Variants in CHST15 observed in about 807,000 individuals in gnomAD.
CHST15 encodes the protein B cell RAG associated protein (GALNAC4S-6ST).
A neutral mutation model predicts 53.6 loss-of-function variants in CHST15; 30 were observed. The observed-to-expected ratio is 0.56, with a 90% CI of 0.42 to 0.76. The LOEUF (loss-of-function observed/expected upper bound fraction) is 0.76, where lower values mean the gene tolerates loss of function less well. Ranked by LOEUF, CHST15 falls within the 30% of genes least tolerant of loss-of-function variation. CHST15 has a pLI of 0.00. For missense variants in CHST15, 627 were observed against 740.5 expected, an observed-to-expected ratio of 0.85 and a Z score of 1.78; for synonymous variants, 296 against 289.8, an observed-to-expected ratio of 1.02 and a Z score of -0.22.
chr10:124,037,047 G>C (rs1464814174), intron 5 of CHST15, among the ~76,000 whole-genome samples: 2 of 152,148 alleles, frequency 1.3e-5, no homozygotes, highest in African/African-American at 4.8e-5. Context: ...CTGGCTTCTG[G>C]TGGCTGCCGG....
intron 6 of CHST15, 196 bp downstream of exon 6, chr10:124,021,060 C>T (rs1946760165): frequency 6.9e-7 from 1 of 1,448,752 alleles, no homozygotes; most frequent in South Asian, 1.4e-5. Context: ...GGGAGGAAGG[C>T]AGGAGCCAGA....
At position 124,044,045 on chromosome 10, in the gene CHST15, AG is replaced by A. The variant is rs1947849611; in HGVS notation, c.886+534del. ...CAGAGCAGGGAGCAGCACAGAGCCA[AG>A]GAACAGCACAGAGCAGGGGAACAAC... On this transcript the variant is annotated intron_variant, in intron 3 of 7. Coordinates refer to ENST00000435907, the MANE Select transcript of CHST15 (RefSeq NM_001270764.2). Among the ~76,000 whole-genome samples, 6 of 144,418 alleles carry A rather than the reference AG, an allele frequency of 4.2e-5. No homozygotes were observed. In the South Asian group the frequency reaches 1.3e-3, roughly 32 times the overall value. The allele number at this position is 144,418 out of a possible 152,430, so 94.7% of individuals were successfully genotyped here.
rs538433761 is a variant in CHST15, at chr10:124,008,186, G to T, written c.*1963C>A. The T allele has an allele frequency of 6.5e-6, 8 of 1,229,386 alleles. No individual in the cohort carries two copies. Among genetic ancestry groups the T allele is most frequent in the Non-Finnish European group, 8.1e-6 (8 of 986,758 alleles). The allele number at this position is 1,229,386 out of a possible 1,614,324, so 76.2% of individuals were successfully genotyped here. Reference sequence around the variant, plus strand: ...GAGTGCATAAGAAAAATCCCTTGTTGTAATTATGGTTGGTGTGGAATAGTA... The same window carrying T: ...GAGTGCATAAGAAAAATCCCTTGTTTTAATTATGGTTGGTGTGGAATAGTA... On this transcript the variant is annotated 3_prime_UTR_variant, in exon 8 of 8. Coordinates refer to ENST00000435907, the MANE Select transcript of CHST15 (RefSeq NM_001270764.2).
intron 1 of CHST15, among the ~76,000 whole-genome samples, chr10:124,077,967 C>T (rs551259280): frequency 2.0e-5 from 3 of 152,360 alleles, no homozygotes; most frequent in African/African-American, 7.2e-5. Context: ...TCAAACCAAA[C>T]TAGGCTGCAG....
chr10:124,063,082 T>C (rs1166618220), intron 1 of CHST15, among the ~76,000 whole-genome samples: 3 of 151,838 alleles, frequency 2.0e-5, no homozygotes, highest in Non-Finnish European at 4.4e-5. Context: ...AAGAAACTAA[T>C]TAAAAAATGG....
At chr10:124,070,039 G>C (rs1383887508) in intron 1 of CHST15, among the ~76,000 whole-genome samples, 1 of 152,182 alleles carries the variant, frequency 6.6e-6, no homozygotes, top group East Asian at 1.9e-4. Flanking sequence ...CACGTTGTCA[G>C]GAACAAATGA....
chr10:124,044,877 T>C lies in CHST15; in HGVS notation c.589A>G (p.Ser197Gly). ...IPNKFLPNSKSPCWYEEFSGQ... is the reference protein window; with the variant it reads ...IPNKFLPNSKGPCWYEEFSGQ... ...GAGAACTCCTCGTACCAACAGGGGC[T>C]CTTACTGTTTGGAAGGAATTTGTTG... The change falls in exon 3 of 8, where the codon AGC becomes GGC. Residue 197 changes from serine to glycine, a missense_variant. Around this residue, in one of 3 missense-constraint regions of CHST15, gnomAD observed 187 missense variants for 251.8 expected, o/e 0.74. Coordinates refer to ENST00000435907, the MANE Select transcript of CHST15 (RefSeq NM_001270764.2). 1.4e-6 allele frequency: 2 copies of C among 1,463,202 alleles called. No homozygotes were observed. Among genetic ancestry groups the C allele is most frequent in the East Asian group, 5.2e-5 (2 of 38,528 alleles). The allele number at this position is 1,463,202 out of a possible 1,614,324, so 90.6% of individuals were successfully genotyped here.
At chr10:124,020,062 C>T (rs910226728) in intron 6 of CHST15, 1 of 985,844 alleles carries the variant, frequency 1.0e-6, no homozygotes, top group Non-Finnish European at 1.2e-6. Flanking sequence ...CCTCCATCTT[C>T]TCTCCCCGCC....
chr10:124,060,561 G>A (rs926558584), intron 1 of CHST15, among the ~76,000 whole-genome samples: 1 of 150,236 alleles, frequency 6.7e-6, no homozygotes, highest in Non-Finnish European at 1.5e-5. Flanking sequence ...ATGTGGAGGT[G>A]TGCCAACCCC....
At chr10:124,055,043 G>A (rs928620913) in intron 1 of CHST15, among the ~76,000 whole-genome samples, 6 of 152,078 alleles carry the variant, frequency 3.9e-5, no homozygotes, top group Non-Finnish European at 2.9e-5. Context: ...AATGACCCAG[G>A]ATAAATACAC....
Position 124,062,106 on chromosome 10 carries a change from C to T in CHST15, c.-512-15382G>A, listed in dbSNP as rs115863971. 3.6e-3 allele frequency among the ~76,000 whole-genome samples: 546 copies of T among 152,064 alleles called. 1 individual carries two copies. Among genetic ancestry groups the T allele is most frequent in the African/African-American group, 0.012 (509 of 41,448 alleles). The stretch of plus-strand genomic sequence containing the variant: ...GGACATTTTCCCTTGTCTTCTCTGC[C>T]ACTGCAATGGAAAACCCCAAGCAGA... On this transcript the variant is annotated intron_variant, in intron 1 of 7. Transcript: ENST00000435907.
rs139045475 is a variant in CHST15, at chr10:124,040,551, A to G, written c.1033+1750T>C. 7.0e-3 allele frequency among the ~76,000 whole-genome samples: 1,061 copies of G among 152,290 alleles called. 7 individuals carry two copies. Among genetic ancestry groups the G allele is most frequent in the Non-Finnish European group, 0.012 (809 of 68,010 alleles). ...GCAGAAGAAAGGTCCTCTCTGACCT[A>G]GGGGCCCAAGATGATGAAAGATCCT... On this transcript the variant is annotated intron_variant, in intron 4 of 7. Transcript: ENST00000435907.
chr10:124,053,654 G>A (rs575277297), intron 1 of CHST15, among the ~76,000 whole-genome samples: 84 of 152,092 alleles, frequency 5.5e-4, no homozygotes, highest in African/African-American at 1.9e-3. Flanking sequence ...GAGGCTGGGC[G>A]CAGTGGCTCA....
chr10:124,044,971 A>T, intron 2 of CHST15, 52 bp from the exon 3 acceptor site: 2 of 1,274,334 alleles, frequency 1.6e-6, no homozygotes, highest in African/African-American at 3.1e-5. Flanking sequence ...ATGAGCAAAG[A>T]CACAATCTAA....
At chr10:124,071,850 T>C (rs553042902) in intron 1 of CHST15, among the ~76,000 whole-genome samples, 6 of 152,350 alleles carry the variant, frequency 3.9e-5, no homozygotes, top group Admixed American at 2.6e-4. Context: ...GTAAATGAGA[T>C]GTAAAATTTC....
intron 1 of CHST15, among the ~76,000 whole-genome samples, chr10:124,051,191 G>T (rs778364382): frequency 6.6e-6 from 1 of 152,096 alleles, no homozygotes; most frequent in Non-Finnish European, 1.5e-5. Context: ...GATCCAGCCC[G>T]CCTTGGCCTC....
At position 124,021,348 on chromosome 10, in the gene CHST15, C is replaced by T; in HGVS notation, c.1255G>A (p.Val419Met). Residue 419 changes from valine (V) to methionine (M), a missense_variant, in exon 6 of 8, where the codon GTG becomes ATG. By Grantham distance (21) the Val-to-Met change is conservative. This residue lies in a region of CHST15 where 279 missense variants were observed against 371.6 expected (regional missense o/e 0.75). Transcript: ENST00000435907. ...TCAAACAGCTGCAGTGCTTCTGTCACTTTCTCATGGAAGTCGTCCGCGGAT... is the reference window on the plus strand; with the variant it reads ...TCAAACAGCTGCAGTGCTTCTGTCATTTTCTCATGGAAGTCGTCCGCGGAT... Reference protein sequence around the residue: ...NKSADDFHEKVTEALQLFENC... With the variant: ...NKSADDFHEKMTEALQLFENC... The T allele has an allele frequency of 1.2e-6, 2 of 1,614,112 alleles. No individual in the cohort carries two copies. The highest frequency in any genetic ancestry group is 1.7e-6 in the Non-Finnish European group (2 of 1,180,028).
At position 124,074,837 on chromosome 10, in the gene CHST15, A is replaced by G. The variant is rs1949022404; in HGVS notation, c.-513+18632T>C. On this transcript the variant is annotated intron_variant, in intron 1 of 7. Coordinates refer to ENST00000435907, the MANE Select transcript of CHST15 (RefSeq NM_001270764.2). This position sits in a 1 kb window ranked among gnomAD's most constrained non-coding sequence, Gnocchi z 4.4. The stretch of plus-strand genomic sequence containing the variant: ...CATGTCTCACTCGCCACTGCCTCCC[A>G]GCAGCCAGGGCTGACTTTCCTTTTG... Among the ~76,000 whole-genome samples, 1 of 152,220 alleles carries G rather than the reference A, an allele frequency of 6.6e-6. No individual in the cohort carries two copies. The highest frequency in any genetic ancestry group is 2.4e-5 in the African/African-American group (1 of 41,464).
chr10:124,056,146 C>T (rs571528023), intron 1 of CHST15, among the ~76,000 whole-genome samples: 1 of 152,198 alleles, frequency 6.6e-6, no homozygotes, highest in African/African-American at 2.4e-5. Flanking sequence ...CAAGAGGGAG[C>T]CCATCCTAAC....
Sources: allele counts gnomAD v4.1 joint callset (sites outside exome capture counted in the v4.1 genomes callset), GRCh38; gene constraint gnomAD v4.1.1; regional missense constraint gnomAD v4.1.1; non-coding constraint Gnocchi (gnomAD v3.1); transcripts MANE v1.5; gene names NCBI Gene and HGNC (gene_info 2026-07-23, HGNC 2026-07-21).